AIM2: variants seen among roughly 807,000 people sequenced by gnomAD.
AIM2 encodes interferon-inducible protein AIM2.
AIM2 carries 30 observed loss-of-function variants against 27.7 expected under a neutral mutation model. The observed-to-expected ratio is 1.08, with a 90% CI of 0.81 to 1.47. The LOEUF is 1.47. Among genes scored for constraint, AIM2 ranks in the 40% most tolerant of loss-of-function variants. The pLI, the probability that AIM2 is intolerant of heterozygous loss-of-function variation, is 0.00. For missense variants in AIM2, 358 were observed against 411.3 expected, an observed-to-expected ratio of 0.87 and a Z score of 1.12; for synonymous variants, 141 against 145.3, an observed-to-expected ratio of 0.97 and a Z score of 0.21.
chr1:159,089,245 T>C (rs1481131782), intron 1 of AIM2, among the ~76,000 whole-genome samples: 1 of 152,228 alleles, frequency 6.6e-6, no homozygotes, highest in Non-Finnish European at 1.5e-5. Flanking sequence ...CCGTCATTAT[T>C]CTTATTTTAT....
At chr1:159,090,626 G>A (rs2102008380) in intron 1 of AIM2, among the ~76,000 whole-genome samples, 1 of 152,212 alleles carries the variant, frequency 6.6e-6, no homozygotes, top group Non-Finnish European at 1.5e-5. Context: ...ACCTTAAGGT[G>A]AAAACTCTTA....
At chr1:159,075,731 A>T (rs1462481247) in intron 1 of AIM2, among the ~76,000 whole-genome samples, 1 of 152,176 alleles carries the variant, frequency 6.6e-6, no homozygotes, top group Non-Finnish European at 1.5e-5. Context: ...GTGAATGAGC[A>T]ATTTGCTCAA....
intron 1 of AIM2, among the ~76,000 whole-genome samples, chr1:159,114,093 A>G (rs1647264387): frequency 6.6e-6 from 1 of 152,204 alleles, no homozygotes; most frequent in Non-Finnish European, 1.5e-5. Flanking sequence ...GAAAGCAAAG[A>G]GCTCTTCCTT....
At chr1:159,082,036 T>C (rs1394196219) in intron 1 of AIM2, among the ~76,000 whole-genome samples, 1 of 152,222 alleles carries the variant, frequency 6.6e-6, no homozygotes, top group East Asian at 1.9e-4. Context: ...GGTCTTTCTT[T>C]TTTTCTAGCC....
chr1:159,062,597 A>G lies in AIM2; in HGVS notation c.*95T>C. The G allele has an allele frequency of 8.2e-7, 1 of 1,215,136 alleles. No homozygotes were observed. Among genetic ancestry groups the G allele is most frequent in the Non-Finnish European group, 1.2e-6 (1 of 834,758 alleles). 75.3% of individuals were successfully genotyped at this position (1,215,136 alleles called of 1,614,324 possible). A position where few individuals can be genotyped will look rare whatever the true frequency, so the allele number is the denominator to read the frequency against. On this transcript the variant is annotated 3_prime_UTR_variant, in exon 6 of 6. Coordinates refer to ENST00000368130, the MANE Select transcript of AIM2 (RefSeq NM_004833.3). ...GAGGAGCCTGTGAACTGCAGCTTTC[A>G]GGTAACTTACAATCTGATTGAAGAG... is the stretch of plus-strand genomic sequence containing the variant.
chr1:159,145,622 C>T (rs986036246), intron 1 of AIM2, among the ~76,000 whole-genome samples: 1 of 152,144 alleles, frequency 6.6e-6, no homozygotes, highest in African/African-American at 2.4e-5. Flanking sequence ...CAAGCCTTTC[C>T]AAAAGTAGAC....
chr1:159,122,191 C>T (rs928227203), intron 1 of AIM2: 2 of 152,126 alleles, frequency 1.3e-5, no homozygotes, highest in African/African-American at 4.8e-5. Context: ...GCTATATCAA[C>T]CAAAAATCCC....
chr1:159,125,836 T>C (rs1015070491), intron 1 of AIM2, among the ~76,000 whole-genome samples: 3 of 152,178 alleles, frequency 2.0e-5, no homozygotes, highest in Non-Finnish European at 4.4e-5. Flanking sequence ...TCGGCCTGTG[T>C]GTCAAGGCAT....
chr1:159,067,466 C>CTGGAGCTTGGGGCAG (rs1258120240), intron 3 of AIM2, among the ~76,000 whole-genome samples: 1 of 152,088 alleles, frequency 6.6e-6, no homozygotes, highest in East Asian at 1.9e-4. Context: ...CTGATGTGAC[C>CTGGAGCTTGGGGCAG]TGGAGCTTGG....
At chr1:159,111,446 T>C (rs761734029) in intron 1 of AIM2, among the ~76,000 whole-genome samples, 1 of 152,206 alleles carries the variant, frequency 6.6e-6, no homozygotes, top group Non-Finnish European at 1.5e-5. Context: ...TGGTTACTTT[T>C]ACATTACGTG....
intron 1 of AIM2, among the ~76,000 whole-genome samples, chr1:159,136,749 C>A (rs1389655802): frequency 6.6e-6 from 1 of 152,194 alleles, no homozygotes; most frequent in Non-Finnish European, 1.5e-5. Context: ...TTTGCTACAG[C>A]TTTACATATA....
intron 1 of AIM2, among the ~76,000 whole-genome samples, chr1:159,100,611 C>A (rs1657291766): frequency 6.6e-6 from 1 of 152,176 alleles, no homozygotes; most frequent in Admixed American, 6.5e-5. Context: ...TCTCTAGAGT[C>A]TAGAAAGTCT....
chr1:159,108,667 T>C (rs1186189430), intron 1 of AIM2, among the ~76,000 whole-genome samples: 2 of 152,206 alleles, frequency 1.3e-5, no homozygotes, highest in Non-Finnish European at 2.9e-5. Flanking sequence ...AGAAAGCTCC[T>C]AGAACTGATG....
In AIM2 at chr1:159,082,495, TTC is replaced by T. The variant is rs145894280; in HGVS notation, c.-15-16168_-15-16167del. Among the ~76,000 whole-genome samples, 719 of 152,250 alleles carry T rather than the reference TTC, an allele frequency of 4.7e-3. 5 individuals carry two copies. Among genetic ancestry groups the T allele is most frequent in the African/African-American group, 0.016 (685 of 41,536 alleles). ...AAGACAGCCATCTTTTTTCTTTTCTTTCTCTCTTTCTTTTTTTTAAAGGCAAG... is the reference window on the plus strand; with the variant it reads ...AAGACAGCCATCTTTTTTCTTTTCTTTCTCTTTCTTTTTTTTAAAGGCAAG... On this transcript the variant is annotated intron_variant, in intron 1 of 2. Transcript: ENST00000368129.
At chr1:159,121,854 C>G (rs113091276) in intron 1 of AIM2, among the ~76,000 whole-genome samples, 205 of 152,304 alleles carry the variant, frequency 1.3e-3, no homozygotes, top group African/African-American at 4.7e-3. Flanking sequence ...TTTTCCACTT[C>G]CAGCACAGGA....
Position 159,075,596 on chromosome 1 carries a change from C to CTA in AIM2, c.-21+1035_-21+1036dup, listed in dbSNP as rs149638835. On this transcript the variant is annotated intron_variant, in intron 1 of 5. Coordinates refer to ENST00000368130, the MANE Select transcript of AIM2 (RefSeq NM_004833.3). ...ACACATATATATATGGCTATACCTGCTATATATATATATATAGAGAGAGAG... is the reference window on the plus strand; with the variant it reads ...ACACATATATATATGGCTATACCTGCTATATATATATATATATAGAGAGAGAG... Among the ~76,000 whole-genome samples the CTA allele has an allele frequency of 3.0e-3, 364 of 123,086 alleles. 3 individuals carry two copies. Among genetic ancestry groups the CTA allele is most frequent in the African/African-American group, 8.6e-3 (252 of 29,182 alleles). 80.7% of individuals were successfully genotyped at this position (123,086 alleles called of 152,430 possible).
At chr1:159,080,431 A>G (rs1029456599), upstream of AIM2, among the ~76,000 whole-genome samples, 1 of 152,266 alleles carries the variant, frequency 6.6e-6, no homozygotes, top group South Asian at 2.1e-4. Context: ...TTAGAAATAC[A>G]TCATATAAAG....
intron 4 of AIM2, 50 bp from the exon 5 acceptor site, chr1:159,063,724 C>A (rs1357150898): frequency 6.5e-7 from 1 of 1,545,614 alleles, no homozygotes; most frequent in South Asian, 1.2e-5. Flanking sequence ...TTAATGAATG[C>A]CGCATCAGTC....
At chr1:159,096,695 A>G (rs1033504162) in intron 1 of AIM2, among the ~76,000 whole-genome samples, 2 of 152,108 alleles carry the variant, frequency 1.3e-5, no homozygotes, top group African/African-American at 4.8e-5. Context: ...CAGACACACC[A>G]TGGCTCAGTA....
Sources: gnomAD v4.1 joint callset for allele counts (sites outside exome capture counted in the v4.1 genomes callset) on GRCh38, gnomAD v4.1.1 for gene constraint, MANE v1.5 for transcripts, NCBI Gene and HGNC (gene_info 2026-07-23, HGNC 2026-07-21) for gene names.